The following RAP1A variants were observed in gnomAD, a reference collection of about 807,000 sequenced individuals.
RAP1A encodes ras-related protein Rap-1A.
In RAP1A, 6 loss-of-function variants were observed where a neutral mutation model predicts 26.4. The ratio of observed to expected loss-of-function variants is 0.23; its 90% confidence interval spans 0.12 to 0.45. RAP1A has a LOEUF of 0.45. Among genes scored for constraint, RAP1A ranks in the 20% least tolerant of loss-of-function variants. The probability of loss-of-function intolerance (pLI) is 0.99; values close to 1 mark genes in which losing one functional copy is unlikely to be tolerated. For synonymous variants in RAP1A, 73 were observed against 79.4 expected (o/e 0.92, Z 0.43); for missense variants, 121 against 217.2 (o/e 0.56, Z 2.78).
intron 1 of RAP1A, among the ~76,000 whole-genome samples, chr1:111,653,459 A>G (rs1211223168): frequency 1.3e-5 from 2 of 152,182 alleles, no homozygotes; most frequent in East Asian, 3.9e-4. Flanking sequence ...AGGCGGGCGG[A>G]TCACCTGAGG....
intron 1 of RAP1A, among the ~76,000 whole-genome samples, chr1:111,591,620 G>A (rs747422801): frequency 5.9e-5 from 9 of 152,044 alleles, no homozygotes; most frequent in Admixed American, 1.3e-4. Context: ...ATATCTGAGC[G>A]CATGATGTTA....
At chr1:111,594,920 T>A (rs1431990480) in intron 1 of RAP1A, among the ~76,000 whole-genome samples, 2 of 152,232 alleles carry the variant, frequency 1.3e-5, no homozygotes, top group Non-Finnish European at 2.9e-5. Flanking sequence ...AACCCTCAAA[T>A]GTTAACACTT....
intron 1 of RAP1A, among the ~76,000 whole-genome samples, chr1:111,657,459 A>G (rs72697803): frequency 0.13 from 19,855 of 152,126 alleles, 1,644 homozygotes; most frequent in South Asian, 0.18. Context: ...GGGATACTCA[A>G]CCTGTAGTCC....
chr1:111,573,830 A>C (rs1465397476), intron 1 of RAP1A, among the ~76,000 whole-genome samples: 1 of 151,424 alleles, frequency 6.6e-6, no homozygotes, highest in Non-Finnish European at 1.5e-5. Context: ...AAATTTGTTT[A>C]AGTCCCTTAT....
intron 1 of RAP1A, among the ~76,000 whole-genome samples, chr1:111,676,331 A>G (rs1289658353): frequency 6.6e-6 from 1 of 152,168 alleles, no homozygotes; most frequent in Admixed American, 6.5e-5. Context: ...AGCCTGGGTT[A>G]TAGAGAGAGA....
intron 1 of RAP1A, among the ~76,000 whole-genome samples, chr1:111,660,563 G>T (rs11576942): frequency 0.29 from 43,889 of 151,816 alleles, 7,159 homozygotes; most frequent in East Asian, 0.47. Context: ...CTACTCCTTT[G>T]GTCAACATTC....
rs1051411864 is a variant in RAP1A, at chr1:111,713,283, C to G, written c.*882C>G. 2 of 152,166 alleles carry G rather than the reference C, an allele frequency of 1.3e-5. No individual in the cohort carries two copies. 9.4% of individuals were successfully genotyped at this position (152,166 alleles called of 1,614,324 possible). A position where few individuals can be genotyped will look rare whatever the true frequency, so the allele number is the denominator to read the frequency against. On this transcript the variant is annotated 3_prime_UTR_variant, in exon 8 of 8. Coordinates refer to ENST00000369709, the MANE Select transcript of RAP1A (RefSeq NM_002884.4). ...TCTCTAGGAACAGACCTCGCACTTT[C>G]TGTTCTAAATATATTTATTCCTACT...
At chr1:111,659,257 A>AT (rs1476091039) in intron 1 of RAP1A, among the ~76,000 whole-genome samples, 1 of 152,206 alleles carries the variant, frequency 6.6e-6, no homozygotes, top group Non-Finnish European at 1.5e-5. Context: ...TAATTTATAA[A>AT]TTAGTCACAG....
chr1:111,649,129 C>T (rs747319424), intron 1 of RAP1A: 43 of 583,180 alleles, frequency 7.4e-5, no homozygotes, highest in Non-Finnish European at 1.3e-4. Context: ...ATCTGCAGAA[C>T]GATGTGGGCA....
chr1:111,610,580 A>C (rs940847392), intron 1 of RAP1A, among the ~76,000 whole-genome samples: 13 of 138,672 alleles, frequency 9.4e-5, no homozygotes, highest in East Asian at 2.1e-4. Flanking sequence ...ACACACACAC[A>C]CCCAACACCA....
chr1:111,636,735 C>T (rs7519547), intron 1 of RAP1A, among the ~76,000 whole-genome samples: 12,792 of 152,030 alleles, frequency 0.084, 755 homozygotes, highest in African/African-American at 0.17. Flanking sequence ...GCCTTGGCCT[C>T]GCAAAGTGCT....
At chr1:111,565,960 C>T (rs1247554541) in intron 1 of RAP1A, among the ~76,000 whole-genome samples, 4 of 151,950 alleles carry the variant, frequency 2.6e-5, no homozygotes, top group East Asian at 3.9e-4. Flanking sequence ...CATGTGCCAA[C>T]GTCCAGATCA....
At chr1:111,553,086 G>A (rs573096274) in intron 1 of RAP1A, among the ~76,000 whole-genome samples, 1 of 152,260 alleles carries the variant, frequency 6.6e-6, no homozygotes, top group South Asian at 2.1e-4. Flanking sequence ...GACTTCTGCT[G>A]GGAAACAATT....
intron 1 of RAP1A, among the ~76,000 whole-genome samples, chr1:111,622,211 C>T (rs72695270): frequency 0.13 from 19,559 of 152,174 alleles, 1,588 homozygotes; most frequent in South Asian, 0.17. Flanking sequence ...CAATGATGCT[C>T]ACAAACTTCA....
At chr1:111,657,513 T>C (rs1290328515) in intron 1 of RAP1A, among the ~76,000 whole-genome samples, 1 of 152,214 alleles carries the variant, frequency 6.6e-6, no homozygotes, top group Non-Finnish European at 1.5e-5. Context: ...TTTTGGTGTT[T>C]ATCTAAGCAA....
intron 1 of RAP1A, among the ~76,000 whole-genome samples, chr1:111,650,041 T>A (rs1660211899): frequency 6.6e-6 from 1 of 151,760 alleles, no homozygotes; most frequent in South Asian, 2.1e-4. Context: ...TGGTTTTGAT[T>A]TAGAATTCTT....
Position 111,619,884 on chromosome 1 carries a change from A to AGGAGGAGGTGGAGGAGGT in RAP1A, c.-60_-43dup, listed in dbSNP as rs201725303. The AGGAGGAGGTGGAGGAGGT allele has an allele frequency of 1.3e-4, 31 of 243,802 alleles. No individual in the cohort carries two copies. The highest frequency in any genetic ancestry group is 2.5e-4 in the East Asian group (4 of 15,760). The allele number at this position is 243,802 out of a possible 1,614,324, so 15.1% of individuals were successfully genotyped here. A position where few individuals can be genotyped will look rare whatever the true frequency, so the allele number is the denominator to read the frequency against. On this transcript the variant is annotated 5_prime_UTR_variant, in exon 1 of 8. Coordinates refer to ENST00000369709, the MANE Select transcript of RAP1A (RefSeq NM_002884.4). ...ACGGCCGAGAGGAGGGAGGAGGAGG[A>AGGAGGAGGTGGAGGAGGT]GGAGGAGGTGGAGGAGGTGGAGGAG... is the stretch of plus-strand genomic sequence containing the variant.
At chr1:111,697,414 A>G (rs1349034426) in intron 3 of RAP1A, 27 bp from the exon 4 acceptor site, 6 of 1,581,188 alleles carry the variant, frequency 3.8e-6, no homozygotes, top group Non-Finnish European at 4.3e-6. Flanking sequence ...TTACTCTTTA[A>G]CCTTTTTTTT....
In RAP1A at chr1:111,572,272, G is replaced by A. The variant is rs115249172; in HGVS notation, c.-28+29763G>A. Among the ~76,000 whole-genome samples the A allele has an allele frequency of 5.0e-3, 763 of 152,322 alleles. 3 individuals carry two copies. The highest frequency in any genetic ancestry group is 0.017 in the African/African-American group (725 of 41,574). On this transcript the variant is annotated intron_variant, in intron 1 of 7. Coordinates refer to the RAP1A transcript ENST00000356415. ...CACAGCACTCTTTTCTCCTCAAGATGGCAAACTCAGAGAGGATTGCCTGGG... is the reference window on the plus strand; with the variant it reads ...CACAGCACTCTTTTCTCCTCAAGATAGCAAACTCAGAGAGGATTGCCTGGG...
Sources: allele counts gnomAD v4.1 joint callset (sites outside exome capture counted in the v4.1 genomes callset), GRCh38; gene constraint gnomAD v4.1.1; transcripts MANE v1.5; gene names NCBI Gene and HGNC (gene_info 2026-07-23, HGNC 2026-07-21).